The following GRIN1 variants were observed in gnomAD, a reference collection of about 807,000 sequenced individuals.
GRIN1 encodes the protein glutamate receptor ionotropic, NMDA 1.
In GRIN1, 38 loss-of-function variants were observed where a neutral mutation model predicts 103.0. That is an observed-to-expected ratio of 0.37 (90% CI 0.28 to 0.48). GRIN1 has a LOEUF of 0.48. Ranked by LOEUF, GRIN1 falls within the 20% of genes least tolerant of loss-of-function variation. GRIN1 has a pLI of 0.98. For synonymous variants in GRIN1, 544 were observed against 532.7 expected (o/e 1.02, Z -0.29); for missense variants, 577 against 1,288.9 (o/e 0.45, Z 8.46).
In GRIN1 at chr9:137,167,506, T is replaced by C; in HGVS notation, c.2796T>C (p.Cys932=). The C allele has an allele frequency of 6.4e-7, 1 of 1,555,496 alleles. No homozygotes were observed. The highest frequency in any genetic ancestry group is 1.2e-5 in the South Asian group (1 of 84,486). The change falls in exon 20 of 20, where the codon TGT becomes TGC. Residue 932 remains cysteine (C), a synonymous_variant. Transcript: ENST00000371561. Reference sequence around the variant, plus strand: ...GGGAGGAGGGCCAGCTGCAGCTGTGTTCCCGTCATAGGGAGAGCTGAGACT... The same window carrying C: ...GGGAGGAGGGCCAGCTGCAGCTGTGCTCCCGTCATAGGGAGAGCTGAGACT... The part of the protein sequence containing the change: ...IEREEGQLQL[C]SRHRES
Position 137,167,482 on chromosome 9 carries a change from G to A in GRIN1, c.2772G>A (p.Arg924=). Reference sequence around the variant, plus strand: ...TGCTGCCGCGACGCGCTATTGAGAGGGAGGAGGGCCAGCTGCAGCTGTGTT... The same window carrying A: ...TGCTGCCGCGACGCGCTATTGAGAGAGAGGAGGGCCAGCTGCAGCTGTGTT... The part of the protein sequence containing the change: ...DTVLPRRAIE[R]EEGQLQLCSR... Residue 924 remains arginine (R), a synonymous_variant, in exon 20 of 20, where the codon AGG becomes AGA. Coordinates refer to ENST00000371561, the MANE Select transcript of GRIN1 (RefSeq NM_007327.4). The A allele has an allele frequency of 6.4e-7, 1 of 1,559,738 alleles. No individual in the cohort carries two copies. The highest frequency in any genetic ancestry group is 8.7e-7 in the Non-Finnish European group (1 of 1,151,924).
At chr9:137,148,316 C>A in intron 3 of GRIN1, 1 of 758,308 alleles carries the variant, frequency 1.3e-6, no homozygotes, top group Non-Finnish European at 2.2e-6. Context: ...GAGCCGCAGG[C>A]CCAAGCAATG....
rs1299800809 is a variant in GRIN1 at position 137,163,754 on chromosome 9, C to T, written c.2444-5C>T. 2.5e-6 allele frequency: 4 copies of T among 1,613,778 alleles called. No individual in the cohort carries two copies. The highest frequency in any genetic ancestry group is 4.5e-5 in the East Asian group (2 of 44,890). ...GCAACTGAGGCTCTGGGTCCCGGCACACAGGGGTCTTCATGCTGGTAGCTG... is the reference window on the plus strand; with the variant it reads ...GCAACTGAGGCTCTGGGTCCCGGCATACAGGGGTCTTCATGCTGGTAGCTG... On this transcript the variant is annotated splice_polypyrimidine_tract_variant and splice_region_variant and intron_variant, in intron 17 of 19. Transcript: ENST00000371561.
At chr9:137,159,409 C>T (rs950186289) in intron 8 of GRIN1, among the ~76,000 whole-genome samples, 1 of 152,222 alleles carries the variant, frequency 6.6e-6, no homozygotes, top group Non-Finnish European at 1.5e-5. Context: ...GTTTTCTGAG[C>T]CCACCCCTGA....
At chr9:137,152,859 T>C (rs191492810) in intron 4 of GRIN1, among the ~76,000 whole-genome samples, 594 of 151,950 alleles carry the variant, frequency 3.9e-3, no homozygotes, top group Admixed American at 7.4e-3. Context: ...TGCATACATC[T>C]CTACCCACAC....
In GRIN1 at chr9:137,168,001, C is replaced by T; in HGVS notation, c.*474C>T. ...CCACCCCGCTGCCTGGCGGGCAGCC[C>T]CTGCTGGACCAAGGTGCGGACCGGA... On this transcript the variant is annotated 3_prime_UTR_variant, in exon 20 of 20. Transcript: ENST00000371561. 1 of 719,310 alleles carries T rather than the reference C, an allele frequency of 1.4e-6. No homozygotes were observed. Among genetic ancestry groups the T allele is most frequent in the Non-Finnish European group, 2.4e-6 (1 of 412,686 alleles). 44.6% of individuals were successfully genotyped at this position (719,310 alleles called of 1,614,324 possible).
rs1035248338 is a variant in GRIN1 at position 137,168,473 on chromosome 9, G to T, written c.*946G>T. The T allele has an allele frequency of 1.6e-5, 3 of 190,468 alleles. No individual in the cohort carries two copies. The highest frequency in any genetic ancestry group is 2.3e-5 in the African/African-American group (1 of 42,596). 11.8% of individuals were successfully genotyped at this position (190,468 alleles called of 1,614,324 possible). A position where few individuals can be genotyped will look rare whatever the true frequency, so the allele number is the denominator to read the frequency against. On this transcript the variant is annotated 3_prime_UTR_variant, in exon 20 of 20. Transcript: ENST00000371561. Reference sequence around the variant, plus strand: ...TCGTCCGGCCTGCAGCCCAGAACGGGCCTCCCCGGGGGTCCCCGGACGCTG... The same window carrying T: ...TCGTCCGGCCTGCAGCCCAGAACGGTCCTCCCCGGGGGTCCCCGGACGCTG...
rs563443845 is a variant in GRIN1 at position 137,160,436 on chromosome 9, C to CTTTTTTTTTTTTTTTTTTT, written c.1198-609_1198-608insTTTTTTTTTTTTTTTTTTT. ...GCTCCTCTGCTGGAGGGAATCATGT[C>CTTTTTTTTTTTTTTTTTTT]TTTTTTTTTTTGAGACAGAGTCTCG... On this transcript the variant is annotated intron_variant, in intron 8 of 19. Coordinates refer to ENST00000371561, the MANE Select transcript of GRIN1 (RefSeq NM_007327.4). Among the ~76,000 whole-genome samples, 7 of 147,736 alleles carry CTTTTTTTTTTTTTTTTTTT rather than the reference C, an allele frequency of 4.7e-5. No individual in the cohort carries two copies. In the East Asian group the frequency reaches 5.9e-4, roughly 13 times the overall value.
At chr9:137,141,840 C>A (rs1325908617) in intron 1 of GRIN1, among the ~76,000 whole-genome samples, 173 bp from the exon 2 acceptor site, 10 of 152,134 alleles carry the variant, frequency 6.6e-5, no homozygotes, top group African/African-American at 2.4e-4. Flanking sequence ...TCTCCCTCCC[C>A]TGCCCTGTGG....
chr9:137,161,380 C>T lies in GRIN1; in HGVS notation c.1431C>T (p.His477=), dbSNP rs1057522926. ...ARTMNFTYEV[H]LVADGKFGTQ... ...CCATGAACTTCACCTACGAGGTGCA[C>T]CTGGTGGCAGATGGCAAGTTCGGCA... The change falls in exon 10 of 20, where the codon CAC becomes CAT. Residue 477 remains histidine (H), a synonymous_variant. Transcript: ENST00000371561. 1.2e-6 allele frequency: 2 copies of T among 1,612,482 alleles called. No individual in the cohort carries two copies. Among genetic ancestry groups the T allele is most frequent in the Non-Finnish European group, 8.5e-7 (1 of 1,179,774 alleles).
chr9:137,139,679 G>A lies in GRIN1; in HGVS notation c.193G>A (p.Val65Ile). Residue 65 changes from valine to isoleucine, a missense_variant, in exon 1 of 20, where the codon GTC becomes ATC. Physicochemically the swap from Val to Ile is conservative, Grantham distance 29. Around this residue, in one of 9 missense-constraint regions of GRIN1, gnomAD observed 308 missense variants for 553.6 expected, o/e 0.56. Transcript: ENST00000371561. This position sits in a 1 kb window ranked among gnomAD's most constrained non-coding sequence, Gnocchi z 7.7. ...GAAGATTCAGCTCAATGCCACCTCC[G>A]TCACGCACAAGCCCAACGCCATCCA... is the stretch of plus-strand genomic sequence containing the variant. ...SWKIQLNATS[V>I]THKPNAIQMA... 6.2e-7 allele frequency: 1 copy of A among 1,613,926 alleles called. No homozygotes were observed. Among genetic ancestry groups the A allele is most frequent in the Non-Finnish European group, 8.5e-7 (1 of 1,179,962 alleles).
intron 19 of GRIN1, chr9:137,165,520 G>A: frequency 1.7e-6 from 1 of 578,348 alleles, no homozygotes; most frequent in Non-Finnish European, 3.1e-6. Context: ...GTGTGTCTCC[G>A]TTAGTCTGCC....
At chr9:137,167,337 A>C in intron 19 of GRIN1, 74 bp from the exon 20 acceptor site, 1 of 1,176,288 alleles carries the variant, frequency 8.5e-7, no homozygotes, top group Admixed American at 2.0e-5. Context: ...CCAGGGCGGC[A>C]CTGGGCGCTG....
chr9:137,153,400 A>G (rs1833023758), intron 4 of GRIN1, among the ~76,000 whole-genome samples: 1 of 151,280 alleles, frequency 6.6e-6, no homozygotes, highest in Non-Finnish European at 1.5e-5. Flanking sequence ...TACACACCAC[A>G]TGCTCCATGC....
chr9:137,157,076 T>C (rs1419138859), intron 6 of GRIN1, 39 bp downstream of exon 6: 1 of 658,964 alleles, frequency 1.5e-6, no homozygotes, highest in Non-Finnish European at 1.9e-6. Context: ...GGGCTGCTCT[T>C]GGGGAGGTGG....
rs1003271265 is a variant in GRIN1, at chr9:137,139,392, G to T, written c.-95G>T. On this transcript the variant is annotated 5_prime_UTR_variant, in exon 1 of 20. Transcript: ENST00000371561. This position sits in a 1 kb window ranked among gnomAD's most constrained non-coding sequence, Gnocchi z 7.7. The stretch of plus-strand genomic sequence containing the variant: ...AGACGTGGCGTCCGCAGCCCGCGGG[G>T]CCGGGCGAGCGCAGGACGGCCCGGA... 3.1e-5 allele frequency: 25 copies of T among 810,992 alleles called. No homozygotes were observed. The highest frequency in any genetic ancestry group is 3.6e-5 in the African/African-American group (2 of 55,404). 50.2% of individuals were successfully genotyped at this position (810,992 alleles called of 1,614,324 possible).
Position 137,168,684 on chromosome 9 carries a change from G to T in GRIN1, c.*1157G>T. 2 of 470,012 alleles carry T rather than the reference G, an allele frequency of 4.3e-6. No homozygotes were observed. Among genetic ancestry groups the T allele is most frequent in the South Asian group, 1.1e-4 (1 of 8,926 alleles). The allele number at this position is 470,012 out of a possible 1,614,324, so 29.1% of individuals were successfully genotyped here. ...GCCGCGCTCTGCCCCTCCGTCCCCAGGGTGCAGGCGCGCACCGCCCAACCC... is the reference window on the plus strand; with the variant it reads ...GCCGCGCTCTGCCCCTCCGTCCCCATGGTGCAGGCGCGCACCGCCCAACCC... On this transcript the variant is annotated 3_prime_UTR_variant, in exon 20 of 20. Transcript: ENST00000371561.
chr9:137,147,429 G>C (rs768299793), intron 3 of GRIN1, among the ~76,000 whole-genome samples: 1 of 151,110 alleles, frequency 6.6e-6, no homozygotes, highest in Non-Finnish European at 1.5e-5. Flanking sequence ...CACGTGCACA[G>C]GCACACACAT....
chr9:137,139,398 C>T lies in GRIN1; in HGVS notation c.-89C>T. On this transcript the variant is annotated 5_prime_UTR_variant, in exon 1 of 20. Transcript: ENST00000371561. The surrounding 1 kb of genome is among the most constrained non-coding windows in gnomAD (Gnocchi z 7.7). Reference sequence around the variant, plus strand: ...GGCGTCCGCAGCCCGCGGGGCCGGGCGAGCGCAGGACGGCCCGGAAGCCCC... The same window carrying T: ...GGCGTCCGCAGCCCGCGGGGCCGGGTGAGCGCAGGACGGCCCGGAAGCCCC... The T allele has an allele frequency of 3.4e-6, 3 of 876,842 alleles. No individual in the cohort carries two copies. Among genetic ancestry groups the T allele is most frequent in the Non-Finnish European group, 3.0e-6 (2 of 673,794 alleles). 54.3% of individuals were successfully genotyped at this position (876,842 alleles called of 1,614,324 possible). A position where few individuals can be genotyped will look rare whatever the true frequency, so the allele number is the denominator to read the frequency against.
Sources: allele counts gnomAD v4.1 joint callset (sites outside exome capture counted in the v4.1 genomes callset), GRCh38; gene constraint gnomAD v4.1.1; regional missense constraint gnomAD v4.1.1; non-coding constraint Gnocchi (gnomAD v3.1); transcripts MANE v1.5; gene names NCBI Gene and HGNC (gene_info 2026-07-23, HGNC 2026-07-21).